VWA2: variants seen among roughly 807,000 people sequenced by gnomAD.
VWA2 encodes the protein von Willebrand factor A domain containing 2.
A neutral mutation model predicts 70.4 loss-of-function variants in VWA2; 73 were observed. The ratio of observed to expected loss-of-function variants is 1.04; its 90% CI spans 0.86 to 1.26. VWA2 has a LOEUF of 1.26. Among genes scored for constraint, VWA2 ranks in the 50% most tolerant of loss-of-function variants. The pLI is 0.00. For missense variants in VWA2, 1,011 were observed against 998.5 expected, an observed-to-expected ratio of 1.01 and a Z score of -0.17; for synonymous variants, 407 against 423.3, an observed-to-expected ratio of 0.96 and a Z score of 0.47.
chr10:114,240,681 C>G (rs1308813893), intron 1 of VWA2, among the ~76,000 whole-genome samples: 1 of 152,184 alleles, frequency 6.6e-6, no homozygotes, highest in African/African-American at 2.4e-5. Context: ...CAGAAAGGTA[C>G]CACTAGAGTT....
intron 1 of VWA2, among the ~76,000 whole-genome samples, chr10:114,240,155 C>T (rs2036950599): frequency 6.6e-6 from 1 of 152,204 alleles, no homozygotes; most frequent in South Asian, 2.1e-4. Context: ...CGAGAGTCCT[C>T]GCGCTTGGGC....
chr10:114,284,838 C>T (rs199756732), intron 9 of VWA2, 25 bp from the exon 10 acceptor site: 12 of 1,585,400 alleles, frequency 7.6e-6, no homozygotes, highest in East Asian at 2.3e-5. Context: ...CGGTGCTTAG[C>T]GGTTAATGGG....
rs2039746095 is a variant in VWA2 at position 114,293,023 on chromosome 10, T to C, written c.*1786T>C. Among the ~76,000 whole-genome samples the C allele has an allele frequency of 6.6e-6, 1 of 152,206 alleles. No individual in the cohort carries two copies. The highest frequency in any genetic ancestry group is 2.1e-4 in the South Asian group (1 of 4,828). On this transcript the variant is annotated 3_prime_UTR_variant, in exon 14 of 14. Transcript: ENST00000392982. ...TGCCTGGCCCATTTTTCTTTATAAA[T>C]ATTGTAACATAATGTTTTATAGACA...
chr10:114,256,347 G>A (rs1664898102), intron 4 of VWA2, among the ~76,000 whole-genome samples: 1 of 152,216 alleles, frequency 6.6e-6, no homozygotes, highest in Non-Finnish European at 1.5e-5. Flanking sequence ...AAAGTAAGGT[G>A]CAAATGGTGT....
At chr10:114,277,323 A>G (rs867597350) in intron 6 of VWA2, among the ~76,000 whole-genome samples, 1 of 151,766 alleles carries the variant, frequency 6.6e-6, no homozygotes, top group Non-Finnish European at 1.5e-5. Flanking sequence ...AGCTGGAACT[A>G]CAGGCACCCA....
At chr10:114,274,566 C>T (rs1375499292) in intron 6 of VWA2, among the ~76,000 whole-genome samples, 1 of 152,196 alleles carries the variant, frequency 6.6e-6, no homozygotes, top group African/African-American at 2.4e-5. Flanking sequence ...CCTCCGCCTC[C>T]TGGGTTCAAG....
rs1205853103 is a variant in VWA2 at position 114,254,899 on chromosome 10, G to A, written c.128-16G>A. ...ACTTGCTCCTGGTTGTCATCTGTCT[G>A]TCCCGCTCTCCCTAGTGATGTGGTG... On this transcript the variant is annotated splice_polypyrimidine_tract_variant and intron_variant, in intron 3 of 13. Coordinates refer to ENST00000392982, the MANE Select transcript of VWA2 (RefSeq NM_001272046.2). 11 of 1,610,574 alleles carry A rather than the reference G, an allele frequency of 6.8e-6. No individual in the cohort carries two copies. The South Asian group carries it at 1.1e-4, about 16-fold the overall frequency.
rs752653631 is a variant in VWA2 at position 114,289,475 on chromosome 10, A to G, written c.2108A>G (p.Glu703Gly). ...DLRYHQDVLI[E>G]WLCGEAKQPV... ...CGGTACCACCAGGACGTGCTCATTG[A>G]GTGGCTGTGTGGAGGTGAGTGGGGG... The change falls in exon 12 of 14, where the codon GAG becomes GGG. Residue 703 changes from glutamate (E) to glycine (G), a missense_variant. By Grantham distance (98) the Glu-to-Gly change is moderately conservative. Coordinates refer to ENST00000392982, the MANE Select transcript of VWA2 (RefSeq NM_001272046.2). 2 of 1,614,176 alleles carry G rather than the reference A, an allele frequency of 1.2e-6. No homozygotes were observed. Among genetic ancestry groups the G allele is most frequent in the Middle Eastern group, 1.6e-4 (1 of 6,062 alleles).
chr10:114,282,027 T>TTTTTTTTTTTTTTA (rs1564733492), intron 8 of VWA2, among the ~76,000 whole-genome samples: 1 of 149,984 alleles, frequency 6.7e-6, no homozygotes, highest in African/African-American at 2.5e-5. Flanking sequence ...CTTTTTTTTT[T>TTTTTTTTTTTTTTA]GAGATGGAGT....
intron 5 of VWA2, among the ~76,000 whole-genome samples, chr10:114,262,606 G>A (rs1381292518): frequency 3.9e-5 from 6 of 152,042 alleles, no homozygotes; most frequent in Non-Finnish European, 8.8e-5. Flanking sequence ...TTTTCCAGTT[G>A]CAAGCCTCTG....
At chr10:114,244,878 G>T (rs2037037945) in intron 1 of VWA2, among the ~76,000 whole-genome samples, 1 of 152,212 alleles carries the variant, frequency 6.6e-6, no homozygotes, top group Admixed American at 6.5e-5. Context: ...CCCACAGGAG[G>T]TATTCTGGTG....
At position 114,285,932 on chromosome 10, in the gene VWA2, C is replaced by A. The variant is rs371885886; in HGVS notation, c.998-7C>A. The A allele has an allele frequency of 2.0e-5, 31 of 1,576,036 alleles. No homozygotes were observed. The highest frequency in any genetic ancestry group is 1.9e-5 in the Non-Finnish European group (22 of 1,156,900). ...CTTGACAGTGGGTGTTGCTGTGATC[C>A]CCGCAGCCCTGAAGCTGAGCCTGGA... On this transcript the variant is annotated splice_region_variant and splice_polypyrimidine_tract_variant and intron_variant, in intron 10 of 13. Coordinates refer to ENST00000392982, the MANE Select transcript of VWA2 (RefSeq NM_001272046.2).
rs1406193495 is a variant in VWA2, at chr10:114,255,029, T to G, written c.242T>G (p.Leu81Arg). 1 of 1,612,554 alleles carries G rather than the reference T, an allele frequency of 6.2e-7. No homozygotes were observed. ...TTTGCCATCACAGTCTGTGACGGTC[T>G]GGACATCAGCCCCGAGAGGGTGAGT... ...KHFAITVCDG[L>R]DISPERVRVG... Residue 81 changes from leucine to arginine, a missense_variant, in exon 4 of 14, where the codon CTG (leucine) becomes CGG (arginine). Leu to Arg is a moderately radical substitution (Grantham distance 102). Transcript: ENST00000392982.
Position 114,278,793 on chromosome 10 carries a change from T to C in VWA2, c.775T>C (p.Cys259Arg). 1 of 1,613,780 alleles carries C rather than the reference T, an allele frequency of 6.2e-7. No homozygotes were observed. The highest frequency in any genetic ancestry group is 8.5e-7 in the Non-Finnish European group (1 of 1,180,026). Residue 259 changes from cysteine to arginine, a missense_variant, in exon 8 of 14, where the codon TGC (cysteine) becomes CGC (arginine). Transcript: ENST00000392982. ...CCGGGAGTTCGCTGGCAATGCCCCA[T>C]GCTGGAGAGGATCGCGGCGGACCCT... ...MVREFAGNAPCWRGSRRTLAV... is the reference protein window; with the variant it reads ...MVREFAGNAPRWRGSRRTLAV...
intron 5 of VWA2, among the ~76,000 whole-genome samples, chr10:114,268,674 C>T (rs1013777598): frequency 2.0e-5 from 3 of 150,814 alleles, no homozygotes; most frequent in Non-Finnish European, 4.4e-5. Context: ...CTGGAGTAAG[C>T]GGAGGGATTT....
intron 2 of VWA2, among the ~76,000 whole-genome samples, chr10:114,249,793 A>G (rs1269514412): frequency 1.3e-5 from 2 of 152,128 alleles, no homozygotes; most frequent in South Asian, 2.1e-4. Flanking sequence ...TCAAAATGCA[A>G]ATTGGATCAT....
chr10:114,250,334 T>C (rs1422517597), intron 2 of VWA2, among the ~76,000 whole-genome samples: 3 of 152,246 alleles, frequency 2.0e-5, no homozygotes, highest in Non-Finnish European at 4.4e-5. Flanking sequence ...ATCCACTTTC[T>C]TTTTACTTCC....
chr10:114,253,641 T>G lies in VWA2; in HGVS notation c.53-10T>G. 1 of 1,611,314 alleles carries G rather than the reference T, an allele frequency of 6.2e-7. No individual in the cohort carries two copies. The highest frequency in any genetic ancestry group is 8.5e-7 in the Non-Finnish European group (1 of 1,179,394). On this transcript the variant is annotated splice_polypyrimidine_tract_variant and intron_variant, in intron 2 of 13. Coordinates refer to ENST00000392982, the MANE Select transcript of VWA2 (RefSeq NM_001272046.2). ...ATTTTAATGGCTGCTTCTGGTGTTT[T>G]CTCTCCTAGTGCCCCCATCTCTCCC... is the stretch of plus-strand genomic sequence containing the variant.
chr10:114,278,861 C>T lies in VWA2; in HGVS notation c.833+10C>T, dbSNP rs377414825. On this transcript the variant is annotated intron_variant, in intron 8 of 13. Transcript: ENST00000392982. The stretch of plus-strand genomic sequence containing the variant: ...ACTGTCCCTTCTACAGGTTTGTCTG[C>T]GCGGTCTGGGCTCGGCCTGGGTGGA... The T allele has an allele frequency of 1.3e-5, 21 of 1,612,252 alleles. No homozygotes were observed. The highest frequency in any genetic ancestry group is 8.0e-5 in the African/African-American group (6 of 74,860).
Sources: gnomAD v4.1 joint callset for allele counts (sites outside exome capture counted in the v4.1 genomes callset) on GRCh38, gnomAD v4.1.1 for gene constraint, MANE v1.5 for transcripts, NCBI Gene and HGNC (gene_info 2026-07-23, HGNC 2026-07-21) for gene names.